The following LRRC41 variants were observed in gnomAD, a reference collection of about 807,000 sequenced individuals.
LRRC41 encodes leucine rich repeat containing 41.
A neutral mutation model predicts 72.1 loss-of-function variants in LRRC41; 17 were observed. The observed-to-expected ratio is 0.24, with a 90% CI of 0.16 to 0.35. The LOEUF (loss-of-function observed/expected upper bound fraction) is 0.35. LRRC41 is among the 10% of genes least tolerant of loss of function. The pLI is 1.00. For synonymous variants in LRRC41, 427 were observed against 431.0 expected (o/e 0.99, Z 0.11); for missense variants, 759 against 1,065.0 (o/e 0.71, Z 4.00).
intron 4 of LRRC41, among the ~76,000 whole-genome samples, chr1:46,284,703 G>C (rs1266580348): frequency 6.6e-6 from 1 of 152,130 alleles, no homozygotes; most frequent in Non-Finnish European, 1.5e-5. Flanking sequence ...CTGTGAAGTA[G>C]GTGAGGTCAT....
chr1:46,278,041 T>C lies in LRRC41; in HGVS notation c.*824A>G. On this transcript the variant is annotated 3_prime_UTR_variant, in exon 10 of 10. Coordinates refer to ENST00000617190, the MANE Select transcript of LRRC41 (RefSeq NM_006369.5). ...CCACACAGTAGGGAGATGGGATCTG[T>C]AGTGACTTCAGCTGTGCCTTCTGTC... 1 of 1,614,160 alleles carries C rather than the reference T, an allele frequency of 6.2e-7. No individual in the cohort carries two copies. Among genetic ancestry groups the C allele is most frequent in the Non-Finnish European group, 8.5e-7 (1 of 1,179,986 alleles).
chr1:46,280,689 CAT>C (rs1660755234), intron 5 of LRRC41, 129 bp from the exon 6 acceptor site: 17 of 855,808 alleles, frequency 2.0e-5, no homozygotes, highest in South Asian at 1.9e-4. Context: ...GAGTGCCTAC[CAT>C]ATGTCAGCAC....
rs72677576 is a variant in LRRC41, at chr1:46,289,483, C to T, written c.358-2984G>A. On this transcript the variant is annotated intron_variant, in intron 3 of 9. Transcript: ENST00000617190. The stretch of plus-strand genomic sequence containing the variant: ...TCACCACTCTTAAGAATCTATGGGC[C>T]GGGCGCGGTGGCTCACACCTGTAAT... 7.5e-3 allele frequency among the ~76,000 whole-genome samples: 1,139 copies of T among 152,222 alleles called. 6 individuals carry two copies. The highest frequency in any genetic ancestry group is 0.023 in the South Asian group (112 of 4,812).
In LRRC41 at chr1:46,277,795, T is replaced by C; in HGVS notation, c.*1070A>G. The C allele has an allele frequency of 6.3e-7, 1 of 1,590,410 alleles. No individual in the cohort carries two copies. The highest frequency in any genetic ancestry group is 8.6e-7 in the Non-Finnish European group (1 of 1,159,130). On this transcript the variant is annotated 3_prime_UTR_variant, in exon 10 of 10. Transcript: ENST00000617190. Reference sequence around the variant, plus strand: ...TGGCTAAGCGCTGTATCTTTTGACATTCCCCACCTCCTCTTCCCCAGGCAG... The same window carrying C: ...TGGCTAAGCGCTGTATCTTTTGACACTCCCCACCTCCTCTTCCCCAGGCAG...
chr1:46,282,469 C>T (rs983123392), intron 4 of LRRC41, among the ~76,000 whole-genome samples: 1 of 152,190 alleles, frequency 6.6e-6, no homozygotes, highest in Non-Finnish European at 1.5e-5. Context: ...CACTAGTGAG[C>T]AGCACATTGC....
In LRRC41 at chr1:46,277,764, T is replaced by A; in HGVS notation, c.*1101A>T. On this transcript the variant is annotated 3_prime_UTR_variant, in exon 10 of 10. Transcript: ENST00000617190. ...CTTTGGTTTTCCTGCTCCCTTTTTA[T>A]GAGGATGGCTAAGCGCTGTATCTTT... The A allele has an allele frequency of 5.2e-6, 8 of 1,542,028 alleles. No individual in the cohort carries two copies. The highest frequency in any genetic ancestry group is 7.2e-6 in the Non-Finnish European group (8 of 1,117,584).
intron 3 of LRRC41, among the ~76,000 whole-genome samples, chr1:46,296,540 T>G (rs1176552612): frequency 2.0e-5 from 3 of 152,230 alleles, no homozygotes; most frequent in South Asian, 4.1e-4. Flanking sequence ...TAAATGTTTA[T>G]TGAATTAAAT....
In LRRC41 at chr1:46,303,141, A is replaced by C; in HGVS notation, c.182T>G (p.Leu61Arg). The C allele has an allele frequency of 6.8e-7, 1 of 1,475,744 alleles. No homozygotes were observed. 91.4% of individuals were successfully genotyped at this position (1,475,744 alleles called of 1,614,324 possible). Residue 61 changes from leucine to arginine, a missense_variant, in exon 1 of 10, where the codon CTG (leucine) becomes CGG (arginine). Leu to Arg is a moderately radical substitution (Grantham distance 102, BLOSUM62 -2). Around this residue, in one of 4 missense-constraint regions of LRRC41, gnomAD observed 116 missense variants for 250.9 expected, o/e 0.46. Transcript: ENST00000617190. ...GRAVSAHMGV[L>R]ESGVWALPGP... ...CGACTTACCCCACACCCCGCTCTCC[A>C]GAACCCCCATATGGGCGCTCACCGC...
At chr1:46,288,092 C>G (rs79839686) in intron 3 of LRRC41, among the ~76,000 whole-genome samples, 2,538 of 152,266 alleles carry the variant, frequency 0.017, 45 homozygotes, top group South Asian at 0.024. Context: ...ATACCAGACA[C>G]CCAGACTTGG....
chr1:46,290,968 A>G (rs1021147907), intron 3 of LRRC41, among the ~76,000 whole-genome samples: 2 of 121,262 alleles, frequency 1.6e-5, no homozygotes, highest in Middle Eastern at 6.1e-3. Flanking sequence ...TCTGTTGCCC[A>G]GGCTGGAGTA....
Position 46,280,180 on chromosome 1 carries a change from T to A in LRRC41, c.2020+12A>T, listed in dbSNP as rs1375999497. On this transcript the variant is annotated intron_variant, in intron 7 of 9. Transcript: ENST00000617190. ...ACCCAGGAAATGTCCAGGTTCTGAA[T>A]AAGGAACTTACCTTGCAGAGTCAGA... 2 of 1,607,558 alleles carry A rather than the reference T, an allele frequency of 1.2e-6. No homozygotes were observed. The highest frequency in any genetic ancestry group is 2.2e-5 in the South Asian group (2 of 90,938).
chr1:46,280,143 A>AAT (rs777256788), intron 7 of LRRC41, 49 bp downstream of exon 7: 3 of 1,399,746 alleles, frequency 2.1e-6, no homozygotes, highest in Non-Finnish European at 3.0e-6. Context: ...TTATGGCAGA[A>AAT]CCATAGTGAA....
In LRRC41 at chr1:46,280,531, A is replaced by G; in HGVS notation, c.1786T>C (p.Phe596Leu). Reference protein sequence around the residue: ...ENCLEQLEMGFPRGAQPAPLL... With the variant: ...ENCLEQLEMGLPRGAQPAPLL... ...GGGGCTGGCTGGGCTCCCCGTGGAAATCCCATCTCCAACTGCTCCAGGCAG... is the reference window on the plus strand; with the variant it reads ...GGGGCTGGCTGGGCTCCCCGTGGAAGTCCCATCTCCAACTGCTCCAGGCAG... The change falls in exon 6 of 10, where the codon TTT (phenylalanine) becomes CTT (leucine). Residue 596 changes from phenylalanine (F) to leucine (L), a missense_variant. This residue lies in a region of LRRC41 where 427 missense variants were observed against 520.9 expected (regional missense o/e 0.82). Transcript: ENST00000617190. The G allele has an allele frequency of 6.2e-7, 1 of 1,614,076 alleles. No individual in the cohort carries two copies. Among genetic ancestry groups the G allele is most frequent in the Non-Finnish European group, 8.5e-7 (1 of 1,180,022 alleles).
chr1:46,279,166 C>A lies in LRRC41; in HGVS notation c.2219+16G>T. ...TCTGTAGCCCCATCCCTTGTCTTGC[C>A]CCTCCCCTCATGTACCTGATGTCCA... On this transcript the variant is annotated intron_variant, in intron 9 of 9. Coordinates refer to ENST00000617190, the MANE Select transcript of LRRC41 (RefSeq NM_006369.5). The surrounding 1 kb of genome is among the most constrained non-coding windows in gnomAD (Gnocchi z 4.5). 6.2e-7 allele frequency: 1 copy of A among 1,613,944 alleles called. No homozygotes were observed. Among genetic ancestry groups the A allele is most frequent in the Non-Finnish European group, 8.5e-7 (1 of 1,179,864 alleles).
rs1202451806 is a variant in LRRC41, at chr1:46,278,656, C to G, written c.*209G>C. ...GGTTCCCAGGATACTGAGTAAGGGG[C>G]CCAAAGACTATAAACCCAGCTGTGA... On this transcript the variant is annotated 3_prime_UTR_variant, in exon 10 of 10. Coordinates refer to ENST00000617190, the MANE Select transcript of LRRC41 (RefSeq NM_006369.5). 3 of 618,386 alleles carry G rather than the reference C, an allele frequency of 4.9e-6. No homozygotes were observed. Among genetic ancestry groups the G allele is most frequent in the Non-Finnish European group, 5.6e-6 (2 of 354,170 alleles). 38.3% of individuals were successfully genotyped at this position (618,386 alleles called of 1,614,324 possible). A position where few individuals can be genotyped will look rare whatever the true frequency, so the allele number is the denominator to read the frequency against.
intron 3 of LRRC41, among the ~76,000 whole-genome samples, chr1:46,294,305 T>C (rs2148323370): frequency 6.6e-6 from 1 of 151,966 alleles, no homozygotes; most frequent in South Asian, 2.1e-4. Context: ...ACGGGGTTTC[T>C]CCATGTTGCC....
At position 46,281,338 on chromosome 1, in the gene LRRC41, A is replaced by G; in HGVS notation, c.1543T>C (p.Ser515Pro). Residue 515 changes from serine (S) to proline (P), a missense_variant, in exon 5 of 10, where the codon TCA becomes CCA. Physicochemically the swap from Ser to Pro is moderately conservative, Grantham distance 74. Transcript: ENST00000617190. ...FRLLDSLRAL[S>P]GQAGCRLRAL... Reference sequence around the variant, plus strand: ...CGGAGGCGACATCCAGCCTGGCCTGACAGGGCCCGCAGGCTGTCTAGCAGG... The same window carrying G: ...CGGAGGCGACATCCAGCCTGGCCTGGCAGGGCCCGCAGGCTGTCTAGCAGG... 3.1e-6 allele frequency: 5 copies of G among 1,614,170 alleles called. No individual in the cohort carries two copies. The highest frequency in any genetic ancestry group is 4.2e-6 in the Non-Finnish European group (5 of 1,180,010).
At chr1:46,300,734 C>G (rs1175960241) in intron 1 of LRRC41, 2 of 152,314 alleles carry the variant, frequency 1.3e-5, no homozygotes, top group Non-Finnish European at 2.9e-5. Flanking sequence ...CCTCATTGTA[C>G]CCTTTCCTGC....
intron 1 of LRRC41, 122 bp from the exon 2 acceptor site, chr1:46,298,492 G>A: frequency 4.9e-6 from 3 of 607,060 alleles, no homozygotes; most frequent in Non-Finnish European, 5.7e-6. Context: ...TTTGACAAAT[G>A]GAACCTCTAG....
Sources: gnomAD v4.1 joint callset for allele counts (sites outside exome capture counted in the v4.1 genomes callset) on GRCh38, gnomAD v4.1.1 for gene constraint, gnomAD v4.1.1 regional missense constraint, Gnocchi (gnomAD v3.1) non-coding constraint, MANE v1.5 for transcripts, NCBI Gene and HGNC (gene_info 2026-07-23, HGNC 2026-07-21) for gene names.